The following ACOT13 variants were observed in gnomAD, a reference collection of about 807,000 sequenced individuals.
ACOT13 encodes the protein acyl-CoA thioesterase 13, also known as acyl-coenzyme A thioesterase 13.
Under a neutral mutation model 11.8 loss-of-function variants are expected in ACOT13, and 10 were observed. The observed-to-expected ratio is 0.85, with a 90% CI of 0.53 to 1.44. The LOEUF is 1.44. Among genes scored for constraint, ACOT13 ranks in the 40% most tolerant of loss-of-function variants. ACOT13 has a pLI of 0.00. For synonymous variants in ACOT13, 53 were observed against 61.0 expected, an observed-to-expected ratio of 0.87 and a Z score of 0.61; for missense variants, 172 against 174.1, an observed-to-expected ratio of 0.99 and a Z score of 0.07.
At position 24,667,109 on chromosome 6, in the gene ACOT13, G is replaced by A; in HGVS notation, c.-155G>A. On this transcript the variant is annotated 5_prime_UTR_variant, in exon 1 of 3. Transcript: ENST00000230048. ...AAATCGCGGACCACCGGGGCTGCCA[G>A]CTCGCCTGACTCCCGGCCTCTTGCG... 2 of 876,794 alleles carry A rather than the reference G, an allele frequency of 2.3e-6. No homozygotes were observed. Among genetic ancestry groups the A allele is most frequent in the Non-Finnish European group, 3.5e-6 (2 of 579,704 alleles). 54.3% of individuals were successfully genotyped at this position (876,794 alleles called of 1,614,324 possible). A position where few individuals can be genotyped will look rare whatever the true frequency, so the allele number is the denominator to read the frequency against.
intron 1 of ACOT13, 117 bp from the exon 2 acceptor site, chr6:24,697,766 G>C: frequency 1.3e-6 from 1 of 768,812 alleles, no homozygotes; most frequent in Non-Finnish European, 1.9e-6. Flanking sequence ...CAATTTACTT[G>C]AATTTCTGAG....
chr6:24,681,626 G>A (rs1314880796), intron 1 of ACOT13, among the ~76,000 whole-genome samples: 1 of 152,038 alleles, frequency 6.6e-6, no homozygotes, highest in East Asian at 1.9e-4. Context: ...GGCAAGGGTA[G>A]TGGGGAACGG....
chr6:24,701,325 A>G (rs1472906106), intron 2 of ACOT13, 134 bp from the exon 3 acceptor site: 1 of 708,776 alleles, frequency 1.4e-6, no homozygotes, highest in Non-Finnish European at 2.2e-6. Context: ...TTGATAGTAC[A>G]GAAAGCTTAC....
At chr6:24,682,571 C>T (rs1415573046) in intron 1 of ACOT13, among the ~76,000 whole-genome samples, 1 of 152,158 alleles carries the variant, frequency 6.6e-6, no homozygotes, top group Non-Finnish European at 1.5e-5. Flanking sequence ...CAATGGCAAG[C>T]CTTTAGCCTG....
chr6:24,674,070 T>G (rs1778406439), intron 1 of ACOT13, among the ~76,000 whole-genome samples: 1 of 152,230 alleles, frequency 6.6e-6, no homozygotes, highest in Admixed American at 6.5e-5. Flanking sequence ...TGTTTGTTTG[T>G]TTTTTATCTG....
intron 1 of ACOT13, among the ~76,000 whole-genome samples, chr6:24,669,922 G>T (rs375877058): frequency 7.2e-5 from 11 of 152,032 alleles, no homozygotes; most frequent in African/African-American, 2.2e-4. Context: ...CAAAAGCACA[G>T]CTGTTTTCAG....
chr6:24,677,987 A>C (rs1778483972), intron 1 of ACOT13, among the ~76,000 whole-genome samples: 1 of 152,136 alleles, frequency 6.6e-6, no homozygotes, highest in African/African-American at 2.4e-5. Flanking sequence ...GAAATTTAAG[A>C]GTGCTTGGGT....
At chr6:24,697,080 CAT>C (rs750750917) in intron 1 of ACOT13, among the ~76,000 whole-genome samples, 19 of 152,284 alleles carry the variant, frequency 1.2e-4, no homozygotes, top group Non-Finnish European at 4.4e-5. Flanking sequence ...AGCCAAAAAT[CAT>C]AAAATTTTAA....
intron 1 of ACOT13, among the ~76,000 whole-genome samples, chr6:24,670,756 A>G (rs746665442): frequency 6.6e-6 from 1 of 152,228 alleles, no homozygotes; most frequent in Non-Finnish European, 1.5e-5. Flanking sequence ...AGCTCAAAAG[A>G]AAAGTTTCAA....
chr6:24,673,391 C>T (rs531457226), intron 1 of ACOT13, among the ~76,000 whole-genome samples: 1 of 151,944 alleles, frequency 6.6e-6, no homozygotes, highest in Non-Finnish European at 1.5e-5. Flanking sequence ...AATAGAGTCT[C>T]GCACTGTTGC....
At chr6:24,678,953 C>T (rs547881215) in intron 1 of ACOT13, among the ~76,000 whole-genome samples, 18 of 152,156 alleles carry the variant, frequency 1.2e-4, no homozygotes, top group Admixed American at 2.6e-4. Context: ...GTGCTTGCCC[C>T]GGGCACCCTC....
chr6:24,681,000 G>C (rs1005160570), intron 1 of ACOT13, among the ~76,000 whole-genome samples: 1 of 152,046 alleles, frequency 6.6e-6, no homozygotes, highest in Non-Finnish European at 1.5e-5. Context: ...ACCATCTATC[G>C]TCCTGTCCTG....
chr6:24,702,399 A>G lies in ACOT13; in HGVS notation c.*784A>G, dbSNP rs1367240797. On this transcript the variant is annotated 3_prime_UTR_variant, in exon 3 of 3. Coordinates refer to ENST00000230048, the MANE Select transcript of ACOT13 (RefSeq NM_018473.4). ...GTGCTGGGATTACAGGTGTGAGCCA[A>G]TGTGCCCAGCCTGGGTTCTCTTTTG... is the stretch of plus-strand genomic sequence containing the variant. 1 of 152,104 alleles carries G rather than the reference A, an allele frequency of 6.6e-6. No individual in the cohort carries two copies. The highest frequency in any genetic ancestry group is 2.4e-5 in the African/African-American group (1 of 41,416). The allele number at this position is 152,104 out of a possible 1,614,324, so 9.4% of individuals were successfully genotyped here.
chr6:24,698,057 A>G lies in ACOT13; in HGVS notation c.256A>G (p.Met86Val). The G allele has an allele frequency of 6.2e-7, 1 of 1,608,052 alleles. No individual in the cohort carries two copies. Among genetic ancestry groups the G allele is most frequent in the South Asian group, 1.1e-5 (1 of 89,800 alleles). ...ERGAPGVSVD[M>V]NITYMSPAKL... ...GGGAGCACCCGGAGTCAGTGTCGAT[A>G]TGAACATAACGTATGTATCCAAACT... The change falls in exon 2 of 3, where the codon ATG (methionine) becomes GTG (valine). Residue 86 changes from methionine (M) to valine (V), a missense_variant. Coordinates refer to ENST00000230048, the MANE Select transcript of ACOT13 (RefSeq NM_018473.4).
At chr6:24,687,827 T>A in intron 1 of ACOT13, 1 of 933,860 alleles carries the variant, frequency 1.1e-6, no homozygotes, top group Non-Finnish European at 1.5e-6. Context: ...TTCTCCTGCT[T>A]CAGCCTCCAG....
chr6:24,681,504 T>TTA (rs59230119), intron 1 of ACOT13, among the ~76,000 whole-genome samples: 115,266 of 151,302 alleles, frequency 0.76, 44,567 homozygotes, highest in African/African-American at 0.89. Context: ...ACTTTTTTTT[T>TTA]TTATTCTATC....
At chr6:24,672,720 A>C (rs758329904) in intron 1 of ACOT13, among the ~76,000 whole-genome samples, 2 of 152,232 alleles carry the variant, frequency 1.3e-5, no homozygotes, top group Non-Finnish European at 2.9e-5. Context: ...TGTGTCAAGA[A>C]AACCTTGTTA....
At chr6:24,684,836 G>T (rs1433038645) in intron 1 of ACOT13, among the ~76,000 whole-genome samples, 2 of 151,998 alleles carry the variant, frequency 1.3e-5, no homozygotes, top group African/African-American at 4.8e-5. Flanking sequence ...AACATAGCAA[G>T]ACCCCTTCTC....
intron 1 of ACOT13, among the ~76,000 whole-genome samples, chr6:24,673,711 A>C (rs979402888): frequency 1.3e-5 from 2 of 152,132 alleles, no homozygotes; most frequent in African/African-American, 4.8e-5. Flanking sequence ...AGAAAAGTTT[A>C]TTTTTCTAAC....
Sources: allele counts gnomAD v4.1 joint callset (sites outside exome capture counted in the v4.1 genomes callset), GRCh38; gene constraint gnomAD v4.1.1; transcripts MANE v1.5; gene names NCBI Gene and HGNC (gene_info 2026-07-23, HGNC 2026-07-21).